Variants in SNAP47 observed in about 807,000 individuals in gnomAD.
SNAP47 encodes the protein synaptosomal-associated protein 47.
A neutral mutation model predicts 31.4 loss-of-function variants in SNAP47; 20 were observed. That is an observed-to-expected ratio of 0.64 (90% CI 0.45 to 0.93). The LOEUF is 0.93. Among genes scored for constraint, SNAP47 ranks in the 40% least tolerant of loss-of-function variants. The pLI is 0.00. For synonymous variants in SNAP47, 194 were observed against 213.4 expected, an observed-to-expected ratio of 0.91 and a Z score of 0.79; for missense variants, 492 against 528.5, an observed-to-expected ratio of 0.93 and a Z score of 0.68.
intron 3 of SNAP47, among the ~76,000 whole-genome samples, chr1:227,761,815 T>C (rs1023870815): frequency 6.6e-6 from 1 of 152,182 alleles, no homozygotes. Flanking sequence ...GTGTGTTTAG[T>C]GGCCCTGCCA....
intron 3 of SNAP47, among the ~76,000 whole-genome samples, chr1:227,765,285 G>T (rs1663321214): frequency 6.6e-6 from 1 of 152,250 alleles, no homozygotes; most frequent in Non-Finnish European, 1.5e-5. Flanking sequence ...CACTGGTGCA[G>T]CGCAGGCTGG....
chr1:227,733,310 G>T (rs1277583806), upstream of SNAP47: 1 of 1,278,156 alleles, frequency 7.8e-7, no homozygotes, highest in South Asian at 1.5e-5. Context: ...TCACCCATGA[G>T]CCACCCCATT....
intron 4 of SNAP47, among the ~76,000 whole-genome samples, chr1:227,771,916 A>G (rs1663838578): frequency 6.6e-6 from 1 of 152,078 alleles, no homozygotes; most frequent in Non-Finnish European, 1.5e-5. Flanking sequence ...AGAGTGTGGG[A>G]CCTGTGCTGA....
chr1:227,735,153 A>G, upstream of SNAP47: 6 of 1,581,744 alleles, frequency 3.8e-6, no homozygotes, highest in Non-Finnish European at 5.2e-6. Flanking sequence ...AAGTCGGCGT[A>G]GGAGAAGGCG....
At position 227,767,024 on chromosome 1, in the gene SNAP47, C is replaced by T. The variant is rs1390132773; in HGVS notation, c.1054C>T (p.Leu352=). 1.9e-6 allele frequency: 3 copies of T among 1,614,062 alleles called. No homozygotes were observed. Among genetic ancestry groups the T allele is most frequent in the Admixed American group, 3.3e-5 (2 of 60,028 alleles). ...PPAGDQEGTA[L]HLQTSLPALS... ...CGCAGGAGACCAGGAGGGCACAGCA[C>T]TGCACCTGCAGACAAGCCTGCCAGC... The change falls in exon 4 of 5, where the codon CTG becomes TTG. Residue 352 remains leucine (L), a synonymous_variant. Transcript: ENST00000617596.
chr1:227,761,033 A>G (rs895197799), intron 3 of SNAP47, among the ~76,000 whole-genome samples: 10 of 152,360 alleles, frequency 6.6e-5, no homozygotes, highest in African/African-American at 1.9e-4. Flanking sequence ...ATATGTACAC[A>G]TGTGTATCAA....
intron 3 of SNAP47, among the ~76,000 whole-genome samples, chr1:227,766,065 C>T (rs1346534186): frequency 3.9e-5 from 6 of 152,158 alleles, no homozygotes; most frequent in Admixed American, 1.3e-4. Context: ...TCTGATGTCA[C>T]GCTCAGCCAC....
chr1:227,753,042 C>T (rs888430647), intron 2 of SNAP47, among the ~76,000 whole-genome samples: 5 of 152,330 alleles, frequency 3.3e-5, no homozygotes, highest in African/African-American at 1.2e-4. Context: ...TTTCCCAAGG[C>T]ATTTTTAATA....
chr1:227,780,654 G>A lies in SNAP47; in HGVS notation c.1241G>A (p.Arg414Gln), dbSNP rs774165751. Residue 414 changes from arginine to glutamine, a missense_variant, in exon 5 of 5, where the codon CGG becomes CAG. Transcript: ENST00000617596. ...TTGACCATCGACAAGCACAACAGGC[G>A]GATGAAGAGGCTGACCTAGGGGCAG... is the stretch of plus-strand genomic sequence containing the variant. ...ATLTIDKHNR[R>Q]MKRLT The A allele has an allele frequency of 9.9e-5, 160 of 1,614,090 alleles. No individual in the cohort carries two copies. Among genetic ancestry groups the A allele is most frequent in the Non-Finnish European group, 1.1e-4 (126 of 1,180,026 alleles).
intron 4 of SNAP47, among the ~76,000 whole-genome samples, chr1:227,768,531 G>A (rs1356813408): frequency 1.3e-5 from 2 of 152,196 alleles, no homozygotes; most frequent in Non-Finnish European, 2.9e-5. Flanking sequence ...ACTCCTTTGA[G>A]GCCAGCTTGT....
chr1:227,747,882 C>G lies in SNAP47; in HGVS notation c.146C>G (p.Pro49Arg), dbSNP rs756436802. The change falls in exon 2 of 5, where the codon CCC becomes CGC. Residue 49 changes from proline to arginine, a missense_variant. Physicochemically the swap from Pro to Arg is moderately radical, Grantham distance 103. Transcript: ENST00000617596. ...DSTGEILVSF[P>R]LSSIVEIKKE... ...ACTGGAGAGATTCTGGTCAGCTTCC[C>G]CCTCTCCAGCATAGTTGAGATCAAG... 6.2e-7 allele frequency: 1 copy of G among 1,614,190 alleles called. No individual in the cohort carries two copies. The highest frequency in any genetic ancestry group is 8.5e-7 in the Non-Finnish European group (1 of 1,180,032).
intron 4 of SNAP47, chr1:227,776,754 G>A: frequency 1.0e-6 from 1 of 985,482 alleles, no homozygotes; most frequent in Non-Finnish European, 1.2e-6. Context: ...TTTGTCTGCA[G>A]ACCTAGCAGC....
chr1:227,731,503 A>T (rs1171834222), upstream of SNAP47: 1 of 152,222 alleles, frequency 6.6e-6, no homozygotes, highest in Non-Finnish European at 1.5e-5. Context: ...GCCAGTCTCC[A>T]CAAACTGTGG....
chr1:227,779,394 G>A (rs1345374790), intron 4 of SNAP47, among the ~76,000 whole-genome samples: 4 of 152,282 alleles, frequency 2.6e-5, no homozygotes, highest in South Asian at 2.1e-4. Context: ...GTCACTGGGC[G>A]GAGCGTGGGG....
chr1:227,772,828 A>G (rs1663907594), intron 4 of SNAP47, among the ~76,000 whole-genome samples: 1 of 152,178 alleles, frequency 6.6e-6, no homozygotes, highest in South Asian at 2.1e-4. Flanking sequence ...TTCTTTCCCC[A>G]TTGAATGGTC....
intron 4 of SNAP47, chr1:227,768,336 T>C (rs1663571232): frequency 1.0e-6 from 1 of 985,264 alleles, no homozygotes; most frequent in Non-Finnish European, 1.2e-6. Flanking sequence ...GGGCATGGGC[T>C]CCCCGTCCCT....
chr1:227,742,352 A>C (rs1661666032), intron 1 of SNAP47, among the ~76,000 whole-genome samples: 1 of 152,160 alleles, frequency 6.6e-6, no homozygotes, highest in South Asian at 2.1e-4. Flanking sequence ...CTCCTACCTC[A>C]GCCTCCTGAG....
upstream of SNAP47, chr1:227,732,029 G>T (rs980945029): frequency 9.5e-6 from 3 of 315,344 alleles, no homozygotes; most frequent in Admixed American, 4.3e-5. Context: ...GGCCTGAGAC[G>T]AGGGGACAGG....
At chr1:227,740,870 C>T (rs897169954) in intron 1 of SNAP47, among the ~76,000 whole-genome samples, 3 of 151,496 alleles carry the variant, frequency 2.0e-5, no homozygotes, top group African/African-American at 7.3e-5. Context: ...AGGTGCCCAG[C>T]AGGTGATAGG....
Sources: gnomAD v4.1 joint callset for allele counts (sites outside exome capture counted in the v4.1 genomes callset) on GRCh38, gnomAD v4.1.1 for gene constraint, MANE v1.5 for transcripts, NCBI Gene and HGNC (gene_info 2026-07-23, HGNC 2026-07-21) for gene names.